Variants in ZYG11B observed in about 807,000 individuals in gnomAD.
ZYG11B encodes the protein protein zyg-11 homolog B.
ZYG11B carries 36 observed loss-of-function variants against 82.4 expected under a neutral mutation model. The observed-to-expected ratio is 0.44, with a 90% CI of 0.33 to 0.58. ZYG11B has a LOEUF of 0.58. ZYG11B is among the 20% of genes least tolerant of loss of function. The pLI, the probability that ZYG11B is intolerant of heterozygous loss-of-function variation, is 0.02. For missense variants in ZYG11B, 552 were observed against 895.6 expected, an observed-to-expected ratio of 0.62 and a Z score of 4.90; for synonymous variants, 303 against 312.8, an observed-to-expected ratio of 0.97 and a Z score of 0.33.
intron 2 of ZYG11B, among the ~76,000 whole-genome samples, chr1:52,762,882 C>T (rs1307121477): frequency 6.6e-6 from 1 of 150,648 alleles, no homozygotes; most frequent in East Asian, 2.0e-4. Flanking sequence ...GCACCTGGCC[C>T]TCTGCTATAT....
At chr1:52,809,672 C>T (rs973082630) in intron 10 of ZYG11B, among the ~76,000 whole-genome samples, 6 of 152,054 alleles carry the variant, frequency 3.9e-5, no homozygotes, top group Non-Finnish European at 8.8e-5. Context: ...ACATTCTCAC[C>T]GCTTGTTATT....
chr1:52,773,990 T>C (rs928985639), intron 3 of ZYG11B, among the ~76,000 whole-genome samples: 1 of 151,350 alleles, frequency 6.6e-6, no homozygotes, highest in Non-Finnish European at 1.5e-5. Context: ...TAAGGGTGAG[T>C]AGCTCAGTAG....
At chr1:52,788,216 TA>T (rs938362737) in intron 5 of ZYG11B, among the ~76,000 whole-genome samples, 2 of 150,212 alleles carry the variant, frequency 1.3e-5, no homozygotes, top group African/African-American at 2.4e-5. Context: ...TTGAATTCCT[TA>T]AAAAAAAAAT....
intron 6 of ZYG11B, among the ~76,000 whole-genome samples, chr1:52,795,219 C>G (rs1644997622): frequency 6.6e-6 from 1 of 152,110 alleles, no homozygotes; most frequent in South Asian, 2.1e-4. Flanking sequence ...CTCCCGAGAT[C>G]TGGTCGTTTA....
chr1:52,784,746 C>A, intron 4 of ZYG11B, 131 bp from the exon 5 acceptor site: 1 of 976,668 alleles, frequency 1.0e-6, no homozygotes, highest in Non-Finnish European at 1.5e-6. Context: ...ATCCTAGGCT[C>A]TTTGCACATG....
chr1:52,796,384 C>T lies in ZYG11B; in HGVS notation c.1427C>T (p.Ala476Val), dbSNP rs779827641. ...GCAGTTGCTATCATTTCTATCCTGG[C>T]TGCCAAGGTACCTGAACTCTTGCTG... ...RMAVAIISIL[A>V]AKLSTEQTAQ... Residue 476 changes from alanine to valine, a missense_variant, in exon 7 of 14, where the codon GCT (alanine) becomes GTT (valine). By Grantham distance (64) the Ala-to-Val change is moderately conservative. Transcript: ENST00000294353. The T allele has an allele frequency of 6.2e-7, 1 of 1,612,916 alleles. No individual in the cohort carries two copies. The highest frequency in any genetic ancestry group is 8.5e-7 in the Non-Finnish European group (1 of 1,179,296).
At chr1:52,812,710 G>GGGTT (rs915175270) in intron 10 of ZYG11B, among the ~76,000 whole-genome samples, 2 of 140,520 alleles carry the variant, frequency 1.4e-5, no homozygotes, top group African/African-American at 5.8e-5. Context: ...TGGCTGTTTT[G>GGGTT]GGTTTGTTTG....
intron 5 of ZYG11B, among the ~76,000 whole-genome samples, chr1:52,787,586 G>A (rs369194186): frequency 1.3e-5 from 2 of 152,192 alleles, no homozygotes; most frequent in African/African-American, 2.4e-5. Flanking sequence ...TACTCAAAGT[G>A]TGTTCTGCTA....
chr1:52,749,328 G>T (rs1644502441), intron 1 of ZYG11B, among the ~76,000 whole-genome samples: 1 of 152,212 alleles, frequency 6.6e-6, no homozygotes, highest in Non-Finnish European at 1.5e-5. Context: ...GTAAGTGCTA[G>T]GTTGCTTAAA....
intron 4 of ZYG11B, 145 bp from the exon 5 acceptor site, chr1:52,784,732 C>T (rs1299890776): frequency 4.8e-6 from 4 of 830,802 alleles, no homozygotes; most frequent in Non-Finnish European, 7.6e-6. Flanking sequence ...TGAGTAACTG[C>T]TATATCCTAG....
intron 1 of ZYG11B, among the ~76,000 whole-genome samples, chr1:52,746,736 A>G (rs749249926): frequency 7.2e-5 from 2 of 27,956 alleles, no homozygotes; most frequent in Non-Finnish European, 1.5e-4. Context: ...TGTTTTTCCT[A>G]TTTGCTATAG....
chr1:52,779,844 T>C lies in ZYG11B; in HGVS notation c.952-9T>C. The C allele has an allele frequency of 1.2e-6, 2 of 1,611,558 alleles. No individual in the cohort carries two copies. Among genetic ancestry groups the C allele is most frequent in the Non-Finnish European group, 1.7e-6 (2 of 1,179,414 alleles). On this transcript the variant is annotated splice_polypyrimidine_tract_variant and intron_variant, in intron 3 of 13. Coordinates refer to ENST00000294353, the MANE Select transcript of ZYG11B (RefSeq NM_024646.3). ...AGAATTCTAAAAGCTAATCTGGTTATGTTCACAGGTGTCTGGGGAAGCCAA... is the reference window on the plus strand; with the variant it reads ...AGAATTCTAAAAGCTAATCTGGTTACGTTCACAGGTGTCTGGGGAAGCCAA...
At chr1:52,787,015 G>A (rs984724345) in intron 5 of ZYG11B, among the ~76,000 whole-genome samples, 33 of 152,034 alleles carry the variant, frequency 2.2e-4, no homozygotes, top group Non-Finnish European at 1.9e-4. Context: ...GCTTGAACCC[G>A]GGAGGGGGAG....
At chr1:52,739,962 G>T (rs1644410742) in intron 1 of ZYG11B, among the ~76,000 whole-genome samples, 1 of 152,132 alleles carries the variant, frequency 6.6e-6, no homozygotes, top group Non-Finnish European at 1.5e-5. Flanking sequence ...TATTTTGTGG[G>T]ATAGTCAAGA....
At chr1:52,784,212 A>G (rs1016585242) in intron 4 of ZYG11B, among the ~76,000 whole-genome samples, 12 of 152,010 alleles carry the variant, frequency 7.9e-5, no homozygotes, top group Non-Finnish European at 1.5e-4. Flanking sequence ...GGCTGGTCTC[A>G]AACTCCTGAC....
chr1:52,783,240 T>C (rs1056305313), intron 4 of ZYG11B, among the ~76,000 whole-genome samples: 6 of 152,100 alleles, frequency 3.9e-5, no homozygotes, highest in Non-Finnish European at 7.4e-5. Context: ...GCAATTCTTA[T>C]AGGGAATTTT....
intron 8 of ZYG11B, among the ~76,000 whole-genome samples, chr1:52,798,586 G>C (rs1452204814): frequency 6.6e-6 from 1 of 152,138 alleles, no homozygotes; most frequent in South Asian, 2.1e-4. Context: ...ACTCCAGCCT[G>C]GGTGACAGAG....
At chr1:52,755,092 C>G (rs1409377625) in intron 1 of ZYG11B, among the ~76,000 whole-genome samples, 1 of 151,742 alleles carries the variant, frequency 6.6e-6, no homozygotes, top group African/African-American at 2.4e-5. Context: ...ACCGGAGTAG[C>G]TGGGACTACA....
chr1:52,826,574 A>G lies in ZYG11B; in HGVS notation c.*4945A>G, dbSNP rs1460410908. On this transcript the variant is annotated 3_prime_UTR_variant, in exon 14 of 14. Coordinates refer to ENST00000294353, the MANE Select transcript of ZYG11B (RefSeq NM_024646.3). ...TTCTTTGGTTTCCAAATCTTAATCTAAGATACTTTGTTAACTGACTGGTAG... is the reference window on the plus strand; with the variant it reads ...TTCTTTGGTTTCCAAATCTTAATCTGAGATACTTTGTTAACTGACTGGTAG... The G allele has an allele frequency of 6.6e-6, 1 of 152,194 alleles. No individual in the cohort carries two copies. Among genetic ancestry groups the G allele is most frequent in the East Asian group, 1.9e-4 (1 of 5,200 alleles). The allele number at this position is 152,194 out of a possible 1,614,324, so 9.4% of individuals were successfully genotyped here. A position where few individuals can be genotyped will look rare whatever the true frequency, so the allele number is the denominator to read the frequency against.
Sources: gnomAD v4.1 joint callset for allele counts (sites outside exome capture counted in the v4.1 genomes callset) on GRCh38, gnomAD v4.1.1 for gene constraint, MANE v1.5 for transcripts, NCBI Gene and HGNC (gene_info 2026-07-23, HGNC 2026-07-21) for gene names.